Variants in NTNG1 observed in about 807,000 individuals in gnomAD.
The protein encoded by NTNG1 is netrin G1.
NTNG1 carries 16 observed loss-of-function variants against 54.0 expected under a neutral mutation model. The ratio of observed to expected loss-of-function variants is 0.30; its 90% CI spans 0.20 to 0.45. The LOEUF (loss-of-function observed/expected upper bound fraction) is 0.45, where lower values mean the gene tolerates loss of function less well. Ranked by LOEUF, NTNG1 falls within the 20% of genes least tolerant of loss-of-function variation. The probability of loss-of-function intolerance (pLI) is 1.00; values close to 1 mark genes in which losing one functional copy is unlikely to be tolerated. For missense variants in NTNG1, 530 were observed against 678.7 expected, an observed-to-expected ratio of 0.78 and a Z score of 2.43; for synonymous variants, 255 against 263.1, an observed-to-expected ratio of 0.97 and a Z score of 0.30.
chr1:107,291,647 A>G (rs1182640253), intron 2 of NTNG1, among the ~76,000 whole-genome samples: 1 of 152,216 alleles, frequency 6.6e-6, no homozygotes. Context: ...GAAATTTTAT[A>G]TTATACCCTA....
intron 1 of NTNG1, among the ~76,000 whole-genome samples, chr1:107,145,675 A>C (rs1167331963): frequency 6.6e-6 from 1 of 152,188 alleles, no homozygotes; most frequent in East Asian, 1.9e-4. Context: ...ATTAATCACA[A>C]CTGGTTATGT....
chr1:107,450,542 A>G (rs1364410823), intron 7 of NTNG1, among the ~76,000 whole-genome samples: 1 of 152,262 alleles, frequency 6.6e-6, no homozygotes, highest in East Asian at 1.9e-4. Context: ...AACAAATGAC[A>G]TAATAAAACG....
intron 3 of NTNG1, among the ~76,000 whole-genome samples, chr1:107,376,172 GC>G (rs1477883351): frequency 6.6e-6 from 1 of 152,124 alleles, no homozygotes. Flanking sequence ...TGTAATCCCA[GC>G]ACTTTGGGAG....
At chr1:107,337,033 C>T (rs892557504) in intron 3 of NTNG1, among the ~76,000 whole-genome samples, 3 of 151,926 alleles carry the variant, frequency 2.0e-5, no homozygotes, top group African/African-American at 7.2e-5. Flanking sequence ...ATGGTACAGA[C>T]ACTGTGGAAA....
chr1:107,483,181 G>A lies in NTNG1; in HGVS notation c.*2341G>A, dbSNP rs1381704676. The A allele has an allele frequency of 6.6e-6, 1 of 152,194 alleles. No individual in the cohort carries two copies. Among genetic ancestry groups the A allele is most frequent in the Non-Finnish European group, 1.5e-5 (1 of 68,038 alleles). 9.4% of individuals were successfully genotyped at this position (152,194 alleles called of 1,614,324 possible). ...TTAGCACAAACCAAAGGCAGCCCATGTTATTTCTGGCAAAGATGCACTTTA... is the reference window on the plus strand; with the variant it reads ...TTAGCACAAACCAAAGGCAGCCCATATTATTTCTGGCAAAGATGCACTTTA... On this transcript the variant is annotated 3_prime_UTR_variant, in exon 8 of 8. Coordinates refer to ENST00000370068, the MANE Select transcript of NTNG1 (RefSeq NM_001113226.3).
chr1:107,293,803 A>G (rs1254622869), intron 2 of NTNG1, among the ~76,000 whole-genome samples: 1 of 152,232 alleles, frequency 6.6e-6, no homozygotes, highest in Non-Finnish European at 1.5e-5. Context: ...AGAGTCTATA[A>G]AAGGATGGCT....
chr1:107,405,685 GT>G (rs1673372510), intron 4 of NTNG1, among the ~76,000 whole-genome samples: 1 of 152,078 alleles, frequency 6.6e-6, no homozygotes, highest in Admixed American at 6.6e-5. Flanking sequence ...CACCTTGTAA[GT>G]TTGTAAAGAC....
At chr1:107,222,234 C>G (rs1457126807) in intron 2 of NTNG1, among the ~76,000 whole-genome samples, 1 of 152,102 alleles carries the variant, frequency 6.6e-6, no homozygotes, top group Non-Finnish European at 1.5e-5. Flanking sequence ...TTATCTGTCT[C>G]TCTGTACTTG....
At chr1:107,333,482 A>G (rs540326253) in intron 3 of NTNG1, among the ~76,000 whole-genome samples, 1 of 152,176 alleles carries the variant, frequency 6.6e-6, no homozygotes, top group South Asian at 2.1e-4. Flanking sequence ...CCTACAGTAA[A>G]GAAACATTTC....
At chr1:107,438,276 T>C (rs1216615698) in intron 7 of NTNG1, among the ~76,000 whole-genome samples, 2 of 151,966 alleles carry the variant, frequency 1.3e-5, no homozygotes, top group Non-Finnish European at 1.5e-5. Context: ...GGAACTGAGG[T>C]CTCCAGCCTT....
At chr1:107,376,205 G>T (rs1011628915) in intron 3 of NTNG1, among the ~76,000 whole-genome samples, 5 of 152,046 alleles carry the variant, frequency 3.3e-5, no homozygotes, top group African/African-American at 1.2e-4. Flanking sequence ...CGGATCATGA[G>T]GTCAGGAGAT....
intron 2 of NTNG1, among the ~76,000 whole-genome samples, chr1:107,280,173 T>TTTTC (rs1553216345): frequency 6.7e-6 from 1 of 148,928 alleles, no homozygotes; most frequent in Non-Finnish European, 1.5e-5. Flanking sequence ...TTTTTTTTTT[T>TTTTC]CCCTCACTGT....
chr1:107,154,136 A>G (rs561472804), intron 2 of NTNG1, among the ~76,000 whole-genome samples: 2 of 152,282 alleles, frequency 1.3e-5, no homozygotes, highest in South Asian at 2.1e-4. Context: ...CAAACTTAAT[A>G]CAAAGTAGTG....
chr1:107,411,745 A>G (rs1252176103), intron 5 of NTNG1, among the ~76,000 whole-genome samples: 2 of 152,132 alleles, frequency 1.3e-5, no homozygotes. Context: ...TTAATTTTGA[A>G]CTGTTTGCTG....
At chr1:107,321,938 A>C (rs1667681961) in intron 2 of NTNG1, among the ~76,000 whole-genome samples, 1 of 152,080 alleles carries the variant, frequency 6.6e-6, no homozygotes, top group Non-Finnish European at 1.5e-5. Flanking sequence ...CAAATTACTT[A>C]ACACCTCTGT....
In NTNG1 at chr1:107,148,085, G is replaced by T. The variant is rs1380264371; in HGVS notation, c.-509G>T. The T allele has an allele frequency of 6.5e-6, 1 of 154,832 alleles. No individual in the cohort carries two copies. Among genetic ancestry groups the T allele is most frequent in the Non-Finnish European group, 1.4e-5 (1 of 69,836 alleles). 9.6% of individuals were successfully genotyped at this position (154,832 alleles called of 1,614,324 possible). A position where few individuals can be genotyped will look rare whatever the true frequency, so the allele number is the denominator to read the frequency against. ...TTCTAAAAGGGTGTTGGTGCCAGAAGAAAAGAATGATTGATGGGAAACAGA... is the reference window on the plus strand; with the variant it reads ...TTCTAAAAGGGTGTTGGTGCCAGAATAAAAGAATGATTGATGGGAAACAGA... On this transcript the variant is annotated 5_prime_UTR_variant, in exon 2 of 8. Coordinates refer to ENST00000370068, the MANE Select transcript of NTNG1 (RefSeq NM_001113226.3).
chr1:107,460,137 G>GT (rs1294685475), intron 7 of NTNG1, among the ~76,000 whole-genome samples: 4 of 152,162 alleles, frequency 2.6e-5, no homozygotes, highest in Admixed American at 2.6e-4. Context: ...GCTAAGGCCC[G>GT]TTTCCTCAAG....
intron 7 of NTNG1, among the ~76,000 whole-genome samples, chr1:107,447,187 G>A (rs1676357017): frequency 6.6e-6 from 1 of 151,828 alleles, no homozygotes; most frequent in Non-Finnish European, 1.5e-5. Context: ...ATACATTTAG[G>A]CCTCTTTTTA....
chr1:107,269,037 G>A (rs1663951717), intron 2 of NTNG1, among the ~76,000 whole-genome samples: 1 of 152,060 alleles, frequency 6.6e-6, no homozygotes, highest in Non-Finnish European at 1.5e-5. Context: ...TTTTTTTAAT[G>A]TAAGGCATGC....
Sources: allele counts gnomAD v4.1 joint callset (sites outside exome capture counted in the v4.1 genomes callset), GRCh38; gene constraint gnomAD v4.1.1; transcripts MANE v1.5; gene names NCBI Gene and HGNC (gene_info 2026-07-23, HGNC 2026-07-21).